Variants in ITGA2B observed in about 807,000 individuals in gnomAD.
ITGA2B encodes the protein integrin alpha-IIb.
A neutral mutation model predicts 142.0 loss-of-function variants in ITGA2B; 91 were observed. The ratio of observed to expected loss-of-function variants is 0.64; its 90% CI spans 0.54 to 0.76. The LOEUF (loss-of-function observed/expected upper bound fraction) is 0.76. Among genes scored for constraint, ITGA2B ranks in the 30% least tolerant of loss-of-function variants. The pLI is 0.00. For synonymous variants in ITGA2B, 536 were observed against 567.2 expected (o/e 0.94, Z 0.78); for missense variants, 1,231 against 1,350.8 (o/e 0.91, Z 1.39).
At chr17:44,375,743 C>T (rs1357072373) in intron 25 of ITGA2B, 27 bp from the exon 26 acceptor site, 2 of 1,560,876 alleles carry the variant, frequency 1.3e-6, no homozygotes, top group Admixed American at 1.9e-5. Context: ...GTGGTCAGGC[C>T]CAGGTCTCCC....
intron 1 of ITGA2B, among the ~76,000 whole-genome samples, chr17:44,387,852 A>AAG (rs1555615280): frequency 7.1e-4 from 107 of 149,900 alleles, no homozygotes; most frequent in African/African-American, 2.5e-3. Context: ...AAAAAAAAAA[A>AAG]AAGAAGAAGA....
At chr17:44,384,817 A>C in intron 7 of ITGA2B, 131 bp downstream of exon 7, 1 of 1,458,102 alleles carries the variant, frequency 6.9e-7, no homozygotes. Context: ...GCAGGAGCGG[A>C]GGGCGGGAGC....
intron 11 of ITGA2B, 74 bp from the exon 12 acceptor site, chr17:44,383,778 C>T: frequency 1.3e-6 from 2 of 1,554,010 alleles, no homozygotes; most frequent in Admixed American, 1.9e-5. Flanking sequence ...CTCCTCGACC[C>T]TTGCTCTCCT....
chr17:44,379,953 T>G, intron 17 of ITGA2B, 49 bp downstream of exon 17: 1 of 1,612,936 alleles, frequency 6.2e-7, no homozygotes, highest in Non-Finnish European at 8.5e-7. Context: ...ACAAGTCCAG[T>G]GGGTAAGTTC....
chr17:44,384,405 C>A lies in ITGA2B; in HGVS notation c.848-51G>T, dbSNP rs374438373. On this transcript the variant is annotated intron_variant, in intron 8 of 29. Transcript: ENST00000262407. ...GGGAATGAGAGCCTTAGAACCTACC[C>A]ACTTCCCGCTCCCCGTTCTGCACCC... The A allele has an allele frequency of 3.1e-6, 5 of 1,610,602 alleles. No individual in the cohort carries two copies. In the African/African-American group the frequency reaches 6.7e-5, roughly 22 times the overall value.
intron 12 of ITGA2B, among the ~76,000 whole-genome samples, chr17:44,382,947 G>A (rs1007737722): frequency 6.6e-6 from 1 of 151,994 alleles, no homozygotes. Context: ...ACAGGTCCCG[G>A]GACCTCATCC....
In ITGA2B at chr17:44,380,306, A is replaced by G; in HGVS notation, c.1545-5T>C. The stretch of plus-strand genomic sequence containing the variant: ...ACACACATCTGGATGTTGAAGCTGC[A>G]AAGACGTAAGTGGGGCTCAGGGGTT... On this transcript the variant is annotated splice_polypyrimidine_tract_variant and splice_region_variant and intron_variant, in intron 15 of 29. Transcript: ENST00000262407. 1 of 1,614,210 alleles carries G rather than the reference A, an allele frequency of 6.2e-7. No individual in the cohort carries two copies. The highest frequency in any genetic ancestry group is 1.1e-5 in the South Asian group (1 of 91,090).
intron 12 of ITGA2B, among the ~76,000 whole-genome samples, chr17:44,383,219 C>T (rs117262840): frequency 3.3e-5 from 5 of 152,118 alleles, no homozygotes; most frequent in South Asian, 2.1e-4. Context: ...CCTAATAATC[C>T]GAGTCCTAAA....
chr17:44,373,763 TC>T (rs2048515694), intron 29 of ITGA2B, among the ~76,000 whole-genome samples: 2 of 152,192 alleles, frequency 1.3e-5, no homozygotes, highest in African/African-American at 4.8e-5. Context: ...ATCCTCTGAA[TC>T]TTTTTGGTGG....
intron 21 of ITGA2B, 92 bp downstream of exon 21, chr17:44,377,606 C>T: frequency 2.1e-6 from 2 of 934,108 alleles, no homozygotes; most frequent in Admixed American, 1.8e-5. Flanking sequence ...AGATTCTGGC[C>T]CAGAACTATG....
At chr17:44,373,263 G>A (rs535692854) in intron 29 of ITGA2B, among the ~76,000 whole-genome samples, 2 of 152,016 alleles carry the variant, frequency 1.3e-5, no homozygotes, top group East Asian at 1.9e-4. Context: ...TCAGCCTCCC[G>A]AGTAGCTGGA....
chr17:44,377,446 G>A (rs2048555135), intron 21 of ITGA2B, among the ~76,000 whole-genome samples: 1 of 151,916 alleles, frequency 6.6e-6, no homozygotes, highest in South Asian at 2.1e-4. Flanking sequence ...CACCCGTCTC[G>A]GCCTCCCAGA....
Position 44,384,144 on chromosome 17 carries a change from C to T in ITGA2B, c.892-6G>A, listed in dbSNP as rs1462473559. On this transcript the variant is annotated splice_region_variant and splice_polypyrimidine_tract_variant and intron_variant, in intron 9 of 29. Transcript: ENST00000262407. ...TAGGAATCCAAAATTTCCACCTGCACGGACAGCGCAGGCGAGAGCATCATT... is the reference window on the plus strand; with the variant it reads ...TAGGAATCCAAAATTTCCACCTGCATGGACAGCGCAGGCGAGAGCATCATT... 1 of 1,613,010 alleles carries T rather than the reference C, an allele frequency of 6.2e-7. No homozygotes were observed. Among genetic ancestry groups the T allele is most frequent in the Non-Finnish European group, 8.5e-7 (1 of 1,179,728 alleles).
chr17:44,384,286 G>A lies in ITGA2B; in HGVS notation c.891+25C>T, dbSNP rs929752690. The A allele has an allele frequency of 1.2e-6, 2 of 1,612,912 alleles. 1 individual carries two copies. The stretch of plus-strand genomic sequence containing the variant: ...TGAGAACTGGGATAAGGGGCTTCGG[G>A]AGGCCCAGTGGTGGGGGCACTTACC... On this transcript the variant is annotated intron_variant, in intron 9 of 29. Coordinates refer to ENST00000262407, the MANE Select transcript of ITGA2B (RefSeq NM_000419.5).
chr17:44,384,729 C>A, intron 7 of ITGA2B, 144 bp from the exon 8 acceptor site: 1 of 1,248,228 alleles, frequency 8.0e-7, no homozygotes, highest in South Asian at 1.2e-5. Context: ...GGGCCAAGCC[C>A]TGCCCCAGGC....
At chr17:44,381,620 G>A (rs772878080) in intron 12 of ITGA2B, among the ~76,000 whole-genome samples, 1 of 151,742 alleles carries the variant, frequency 6.6e-6, no homozygotes, top group East Asian at 1.9e-4. Flanking sequence ...GTGAGCCACC[G>A]TGCCCAAGCC....
chr17:44,376,466 A>G, intron 22 of ITGA2B, 78 bp from the exon 23 acceptor site: 1 of 1,236,870 alleles, frequency 8.1e-7, no homozygotes, highest in Non-Finnish European at 1.2e-6. Flanking sequence ...CCAGAATTTT[A>G]GAGAGTTCAG....
rs1321692346 is a variant in ITGA2B, at chr17:44,380,475, C to G, written c.1455G>C (p.Val485=). 3 of 1,614,116 alleles carry G rather than the reference C, an allele frequency of 1.9e-6. No individual in the cohort carries two copies. Among genetic ancestry groups the G allele is most frequent in the Non-Finnish European group, 2.5e-6 (3 of 1,180,008 alleles). ...QVAVYRAQPV[V]KASVQLLVQD... ...GCACCAGTAGCTGGACAGAGGCCTT[C>G]ACCACTGGCTGAGCTCTGATGGGAT... Residue 485 remains valine, a synonymous_variant, in exon 15 of 30, where the codon GTG becomes GTC. Transcript: ENST00000262407.
At chr17:44,373,143 ATTTTTC>A (rs1381824286) in intron 29 of ITGA2B, among the ~76,000 whole-genome samples, 1 of 147,960 alleles carries the variant, frequency 6.8e-6, no homozygotes, top group Non-Finnish European at 1.5e-5. Context: ...CCCACCTGGA[ATTTTTC>A]TTTTCTTTTC....
Sources: gnomAD v4.1 joint callset for allele counts (sites outside exome capture counted in the v4.1 genomes callset) on GRCh38, gnomAD v4.1.1 for gene constraint, MANE v1.5 for transcripts, NCBI Gene and HGNC (gene_info 2026-07-23, HGNC 2026-07-21) for gene names.